The following DIAPH3 variants were observed in gnomAD, a reference collection of about 807,000 sequenced individuals.
DIAPH3 encodes diaphanous related formin 3.
A neutral mutation model predicts 144.3 loss-of-function variants in DIAPH3; 117 were observed. That is an observed-to-expected ratio of 0.81 (90% CI 0.70 to 0.95). The LOEUF (loss-of-function observed/expected upper bound fraction) is 0.95. DIAPH3 is among the 40% of genes least tolerant of loss of function. DIAPH3 has a pLI of 0.00. For missense variants in DIAPH3, 1,421 were observed against 1,412.7 expected, an observed-to-expected ratio of 1.01 and a Z score of -0.09; for synonymous variants, 519 against 488.9, an observed-to-expected ratio of 1.06 and a Z score of -0.81.
intron 21 of DIAPH3, among the ~76,000 whole-genome samples, chr13:59,878,952 C>T (rs988376461): frequency 1.3e-5 from 2 of 151,922 alleles, no homozygotes; most frequent in Admixed American, 6.6e-5. Context: ...TTTGACGTTC[C>T]ATTTCATTGG....
intron 18 of DIAPH3, among the ~76,000 whole-genome samples, chr13:59,923,145 A>G (rs977020736): frequency 6.6e-6 from 1 of 152,192 alleles, no homozygotes; most frequent in Non-Finnish European, 1.5e-5. Flanking sequence ...GTGTTCAAAA[A>G]GTTATTTAAC....
At chr13:59,841,586 C>T (rs1382046840) in intron 22 of DIAPH3, among the ~76,000 whole-genome samples, 1 of 152,068 alleles carries the variant, frequency 6.6e-6, no homozygotes, top group African/African-American at 2.4e-5. Context: ...AGAGCAAGAC[C>T]CTGTCTCTTT....
At chr13:60,028,633 G>A (rs2054556094) in intron 5 of DIAPH3, among the ~76,000 whole-genome samples, 1 of 151,998 alleles carries the variant, frequency 6.6e-6, no homozygotes, top group African/African-American at 2.4e-5. Flanking sequence ...TGCCCACACT[G>A]GGATTGCATC....
chr13:59,824,839 C>T (rs1373172814), intron 24 of DIAPH3, among the ~76,000 whole-genome samples: 1 of 151,966 alleles, frequency 6.6e-6, no homozygotes, highest in Non-Finnish European at 1.5e-5. Context: ...TATTCAAGGT[C>T]TTAGAAACTA....
intron 9 of DIAPH3, among the ~76,000 whole-genome samples, chr13:59,999,503 T>C (rs1566635778): frequency 6.6e-6 from 1 of 152,122 alleles, no homozygotes. Context: ...CTCTCAGTCT[T>C]TGACTGCAGG....
chr13:59,809,968 T>C (rs899538457), intron 25 of DIAPH3, among the ~76,000 whole-genome samples: 2 of 152,130 alleles, frequency 1.3e-5, no homozygotes, highest in African/African-American at 4.8e-5. Flanking sequence ...GGAATGAAAA[T>C]ATAACTATAT....
chr13:59,667,178 C>G (rs952043892), intron 27 of DIAPH3, among the ~76,000 whole-genome samples: 1 of 152,182 alleles, frequency 6.6e-6, no homozygotes, highest in Non-Finnish European at 1.5e-5. Flanking sequence ...AAAAGAGAGG[C>G]CTTCCCTAGC....
chr13:59,841,099 C>A (rs142623015), intron 22 of DIAPH3, among the ~76,000 whole-genome samples: 1 of 152,076 alleles, frequency 6.6e-6, no homozygotes, highest in East Asian at 1.9e-4. Context: ...TTTACTCTTC[C>A]CGTTTCCAAC....
At chr13:59,787,370 T>C (rs149884966) in intron 25 of DIAPH3, among the ~76,000 whole-genome samples, 3 of 152,264 alleles carry the variant, frequency 2.0e-5, no homozygotes, top group African/African-American at 7.2e-5. Flanking sequence ...TTTTCAGTAG[T>C]TCTGGAATGG....
intron 2 of DIAPH3, among the ~76,000 whole-genome samples, chr13:60,124,322 G>A (rs1472080345): frequency 1.3e-5 from 2 of 152,124 alleles, no homozygotes; most frequent in Admixed American, 6.5e-5. Flanking sequence ...ATATCTGGGC[G>A]CAGGCAGCAG....
intron 25 of DIAPH3, among the ~76,000 whole-genome samples, chr13:59,787,413 T>C (rs943965609): frequency 6.3e-4 from 96 of 152,238 alleles, no homozygotes; most frequent in African/African-American, 2.2e-3. Flanking sequence ...AAAAGTAATA[T>C]AAATATCTAA....
At chr13:59,834,961 G>A (rs940713818) in intron 23 of DIAPH3, among the ~76,000 whole-genome samples, 4 of 151,668 alleles carry the variant, frequency 2.6e-5, no homozygotes, top group Admixed American at 6.6e-5. Context: ...AACCACAAGT[G>A]TTAAGTGTTG....
At chr13:59,991,643 T>C (rs1329632878) in intron 11 of DIAPH3, among the ~76,000 whole-genome samples, 2 of 151,976 alleles carry the variant, frequency 1.3e-5, no homozygotes, top group Non-Finnish European at 2.9e-5. Flanking sequence ...CAGGTGAGGA[T>C]AGGAACCTGT....
chr13:59,925,715 A>G (rs995937262), intron 17 of DIAPH3, among the ~76,000 whole-genome samples: 4 of 152,132 alleles, frequency 2.6e-5, no homozygotes, highest in Admixed American at 1.3e-4. Flanking sequence ...CTTACTCATT[A>G]TTGGTCTGCT....
chr13:59,733,324 C>T (rs757584882), intron 27 of DIAPH3, among the ~76,000 whole-genome samples: 2 of 152,112 alleles, frequency 1.3e-5, no homozygotes, highest in Non-Finnish European at 2.9e-5. Flanking sequence ...TTCCTCAAAA[C>T]AAATAACAAA....
chr13:60,131,322 G>A (rs184558901), intron 2 of DIAPH3, among the ~76,000 whole-genome samples: 7 of 150,636 alleles, frequency 4.6e-5, no homozygotes, highest in Admixed American at 2.7e-4. Flanking sequence ...TGTAATCCCC[G>A]CTACTCAGGA....
intron 27 of DIAPH3, among the ~76,000 whole-genome samples, chr13:59,705,199 A>G (rs973949623): frequency 1.2e-4 from 19 of 152,314 alleles, no homozygotes; most frequent in Admixed American, 2.0e-4. Context: ...GCAAAAAAAA[A>G]TAGGGATTAA....
At chr13:59,948,754 C>T (rs2048929458) in intron 17 of DIAPH3, among the ~76,000 whole-genome samples, 1 of 152,106 alleles carries the variant, frequency 6.6e-6, no homozygotes, top group Non-Finnish European at 1.5e-5. Context: ...AGCTACCTCA[C>T]CAGCCCATGC....
intron 7 of DIAPH3, among the ~76,000 whole-genome samples, chr13:60,012,106 T>C (rs1366450981): frequency 6.6e-6 from 1 of 152,198 alleles, no homozygotes; most frequent in Non-Finnish European, 1.5e-5. Context: ...CAGCACTACA[T>C]GTAAGCATTG....
Sources: allele counts gnomAD v4.1 joint callset (sites outside exome capture counted in the v4.1 genomes callset), GRCh38; gene constraint gnomAD v4.1.1; transcripts MANE v1.5; gene names NCBI Gene and HGNC (gene_info 2026-07-23, HGNC 2026-07-21).